DNAJC16: variants seen among roughly 807,000 people sequenced by gnomAD.
The protein encoded by DNAJC16 is DnaJ heat shock protein family (Hsp40) member C16.
In DNAJC16, 76 loss-of-function variants were observed where a neutral mutation model predicts 92.7. The observed-to-expected ratio is 0.82, with a 90% CI of 0.68 to 0.99. DNAJC16 has a LOEUF of 0.99. Among genes scored for constraint, DNAJC16 ranks in the 50% least tolerant of loss-of-function variants. The pLI is 0.00. For synonymous variants in DNAJC16, 328 were observed against 358.7 expected, an observed-to-expected ratio of 0.91 and a Z score of 0.97; for missense variants, 869 against 942.4, an observed-to-expected ratio of 0.92 and a Z score of 1.02.
At chr1:15,533,191 C>G (rs181803511) in intron 2 of DNAJC16, among the ~76,000 whole-genome samples, 9 of 152,268 alleles carry the variant, frequency 5.9e-5, no homozygotes, top group African/African-American at 2.2e-4. Flanking sequence ...CCCTTACTAT[C>G]GAGAACTTTA....
At chr1:15,539,202 A>G (rs1710870917) in intron 4 of DNAJC16, among the ~76,000 whole-genome samples, 1 of 152,170 alleles carries the variant, frequency 6.6e-6, no homozygotes, top group Non-Finnish European at 1.5e-5. Context: ...ATAAACATCA[A>G]ATAATGTTTC....
intron 2 of DNAJC16, among the ~76,000 whole-genome samples, chr1:15,533,947 G>A (rs919283920): frequency 2.0e-5 from 3 of 152,234 alleles, no homozygotes; most frequent in African/African-American, 7.2e-5. Context: ...TTTGGGAGCA[G>A]TGTACAGACA....
chr1:15,559,920 G>A (rs1191003477), intron 8 of DNAJC16, among the ~76,000 whole-genome samples: 7 of 151,940 alleles, frequency 4.6e-5, no homozygotes, highest in Admixed American at 1.3e-4. Flanking sequence ...AAAATTAGCC[G>A]GGCATGGTGG....
At chr1:15,545,185 T>C (rs1182717743) in intron 5 of DNAJC16, among the ~76,000 whole-genome samples, 2 of 152,138 alleles carry the variant, frequency 1.3e-5, no homozygotes, top group Non-Finnish European at 2.9e-5. Flanking sequence ...TTTTTCAATA[T>C]CTTAATTTAG....
At chr1:15,530,774 G>A (rs547261316) in intron 2 of DNAJC16, among the ~76,000 whole-genome samples, 1 of 152,066 alleles carries the variant, frequency 6.6e-6, no homozygotes, top group Non-Finnish European at 1.5e-5. Flanking sequence ...TGTAACCTCC[G>A]CTTCCTGGGT....
chr1:15,529,625 CT>C (rs1170420011), intron 2 of DNAJC16, among the ~76,000 whole-genome samples: 1 of 151,986 alleles, frequency 6.6e-6, no homozygotes, highest in Non-Finnish European at 1.5e-5. Flanking sequence ...CATAAAGTAA[CT>C]TTATGAGTGT....
intron 5 of DNAJC16, among the ~76,000 whole-genome samples, chr1:15,545,792 T>G (rs1337763186): frequency 6.6e-6 from 1 of 152,164 alleles, no homozygotes; most frequent in South Asian, 2.1e-4. Flanking sequence ...ATGATCAAAT[T>G]TGAGTTTTAT....
At chr1:15,533,922 C>T (rs148787576) in intron 2 of DNAJC16, among the ~76,000 whole-genome samples, 2 of 152,322 alleles carry the variant, frequency 1.3e-5, no homozygotes, top group East Asian at 3.9e-4. Flanking sequence ...TAGCCTTCAG[C>T]CAGCTTTAGC....
chr1:15,568,260 C>A lies in DNAJC16; in HGVS notation c.*83C>A. The stretch of plus-strand genomic sequence containing the variant: ...GGTATTTTCAGGACTCAAACTACCA[C>A]AATGAACAGAGTATAGATTTTAGAT... On this transcript the variant is annotated 3_prime_UTR_variant, in exon 15 of 15. Transcript: ENST00000375847. 1 of 1,136,608 alleles carries A rather than the reference C, an allele frequency of 8.8e-7. No individual in the cohort carries two copies. 70.4% of individuals were successfully genotyped at this position (1,136,608 alleles called of 1,614,324 possible).
At position 15,569,056 on chromosome 1, in the gene DNAJC16, G is replaced by A. The variant is rs746612718; in HGVS notation, c.*879G>A. The A allele has an allele frequency of 2.1e-4, 41 of 194,622 alleles. No individual in the cohort carries two copies. Among genetic ancestry groups the A allele is most frequent in the Non-Finnish European group, 2.8e-4 (27 of 96,256 alleles). The allele number at this position is 194,622 out of a possible 1,614,324, so 12.1% of individuals were successfully genotyped here. A position where few individuals can be genotyped will look rare whatever the true frequency, so the allele number is the denominator to read the frequency against. On this transcript the variant is annotated 3_prime_UTR_variant, in exon 15 of 15. Coordinates refer to ENST00000375847, the MANE Select transcript of DNAJC16 (RefSeq NM_015291.4). ...TAACTTGTAATCTTGTTCTCTGAACGTAGAGATAAGCTGCTATAAAGCCAG... is the reference window on the plus strand; with the variant it reads ...TAACTTGTAATCTTGTTCTCTGAACATAGAGATAAGCTGCTATAAAGCCAG...
intron 5 of DNAJC16, 40 bp downstream of exon 5, chr1:15,544,623 T>C: frequency 6.2e-7 from 1 of 1,601,672 alleles, no homozygotes; most frequent in Non-Finnish European, 8.5e-7. Flanking sequence ...AGAAGTAGTT[T>C]AAGAGGTACC....
chr1:15,532,116 G>A (rs1024894523), intron 2 of DNAJC16, among the ~76,000 whole-genome samples: 11 of 152,086 alleles, frequency 7.2e-5, no homozygotes, highest in Admixed American at 2.0e-4. Flanking sequence ...ATCCACATTA[G>A]CAAAAGAAAT....
At chr1:15,536,249 T>G (rs1710780945) in intron 3 of DNAJC16, among the ~76,000 whole-genome samples, 1 of 151,876 alleles carries the variant, frequency 6.6e-6, no homozygotes, top group African/African-American at 2.4e-5. Context: ...GATTTGATTT[T>G]TTGTATTTTT....
At chr1:15,530,708 G>T (rs1398528746) in intron 2 of DNAJC16, among the ~76,000 whole-genome samples, 1 of 151,358 alleles carries the variant, frequency 6.6e-6, no homozygotes, top group African/African-American at 2.4e-5. Context: ...TTTTTTTTGA[G>T]ACGGAGTCTC....
chr1:15,562,319 A>G lies in DNAJC16; in HGVS notation c.1332A>G (p.Lys444=), dbSNP rs770826549. Residue 444 remains lysine (K), a synonymous_variant, in exon 9 of 15, where the codon AAA becomes AAG. Coordinates refer to ENST00000375847, the MANE Select transcript of DNAJC16 (RefSeq NM_015291.4). ...CAGACAGTGAGGCGTTTCAAGGGAA[A>G]TCAGCGGTAAGCCACAGAGTCTCTC... is the stretch of plus-strand genomic sequence containing the variant. ...LLPDSEAFQG[K]SAVSILERRN... is the part of the protein sequence containing the mutation. 3.7e-6 allele frequency: 6 copies of G among 1,612,726 alleles called. No individual in the cohort carries two copies. Among genetic ancestry groups the G allele is most frequent in the Non-Finnish European group, 5.1e-6 (6 of 1,179,018 alleles).
chr1:15,542,772 A>C (rs1180424211), intron 4 of DNAJC16, among the ~76,000 whole-genome samples: 1 of 151,504 alleles, frequency 6.6e-6, no homozygotes, highest in Admixed American at 6.6e-5. Context: ...TTTATGGGGA[A>C]CCCCCACCCC....
At chr1:15,561,459 C>T (rs574179197) in intron 8 of DNAJC16, among the ~76,000 whole-genome samples, 3 of 151,842 alleles carry the variant, frequency 2.0e-5, no homozygotes, top group Admixed American at 6.6e-5. Context: ...CTGAGGCAGG[C>T]GGATCACTTG....
Position 15,529,111 on chromosome 1 carries a change from A to T in DNAJC16, c.6A>T (p.Glu2Asp). The change falls in exon 2 of 15, where the codon GAA becomes GAT. Residue 2 changes from glutamate (E) to aspartate (D), a missense_variant. Coordinates refer to ENST00000375847, the MANE Select transcript of DNAJC16 (RefSeq NM_015291.4). MEVRKLSISWQF... is the reference protein window; with the variant it reads MDVRKLSISWQF... ...AGCTCTGGAAAGGAAGAGAAATGGA[A>T]GTGAGAAAGTTGAGCATTTCCTGGC... 1 of 1,613,354 alleles carries T rather than the reference A, an allele frequency of 6.2e-7. No individual in the cohort carries two copies. The highest frequency in any genetic ancestry group is 1.1e-5 in the South Asian group (1 of 91,034).
At chr1:15,539,539 C>T (rs1472230959) in intron 4 of DNAJC16, among the ~76,000 whole-genome samples, 1 of 151,940 alleles carries the variant, frequency 6.6e-6, no homozygotes, top group Non-Finnish European at 1.5e-5. Context: ...AGCCACCACG[C>T]CTGGCTTTTT....
Sources: allele counts gnomAD v4.1 joint callset (sites outside exome capture counted in the v4.1 genomes callset), GRCh38; gene constraint gnomAD v4.1.1; transcripts MANE v1.5; gene names NCBI Gene and HGNC (gene_info 2026-07-23, HGNC 2026-07-21).